The following CTIF variants were observed in gnomAD, a reference collection of about 807,000 sequenced individuals.
CTIF encodes CBP80/20-dependent translation initiation factor.
Under a neutral mutation model 66.0 loss-of-function variants are expected in CTIF, and 21 were observed. That is an observed-to-expected ratio of 0.32 (90% CI 0.23 to 0.46). CTIF has a LOEUF of 0.46. Ranked by LOEUF, CTIF falls within the 20% of genes least tolerant of loss-of-function variation. The pLI is 1.00. For synonymous variants in CTIF, 345 were observed against 326.4 expected, an observed-to-expected ratio of 1.06 and a Z score of -0.62; for missense variants, 739 against 812.7, an observed-to-expected ratio of 0.91 and a Z score of 1.10.
At chr18:48,701,548 A>C (rs1042576832) in intron 6 of CTIF, among the ~76,000 whole-genome samples, 2 of 79,486 alleles carry the variant, frequency 2.5e-5, no homozygotes, top group African/African-American at 1.7e-4. Context: ...CCCCCAGTGC[A>C]CACAGTGCAC....
At chr18:48,704,669 C>T (rs372993314) in intron 6 of CTIF, among the ~76,000 whole-genome samples, 38 of 152,332 alleles carry the variant, frequency 2.5e-4, no homozygotes, top group African/African-American at 8.7e-4. Flanking sequence ...CCAGTCCTCA[C>T]GCGGCCTTGT....
At chr18:48,741,828 C>A (rs1270901629) in intron 7 of CTIF, among the ~76,000 whole-genome samples, 1 of 152,142 alleles carries the variant, frequency 6.6e-6, no homozygotes, top group Non-Finnish European at 1.5e-5. Flanking sequence ...TCATCTTCAT[C>A]TTCCCTTGGG....
At chr18:48,732,060 A>T (rs963973656) in intron 7 of CTIF, among the ~76,000 whole-genome samples, 2 of 152,242 alleles carry the variant, frequency 1.3e-5, no homozygotes, top group Non-Finnish European at 2.9e-5. Context: ...ATCTTCCAAC[A>T]CCCCGAAGAG....
intron 7 of CTIF, among the ~76,000 whole-genome samples, chr18:48,730,660 C>CGGTGTGAGGGGCCCCTGT (rs1568172168): frequency 1.9e-4 from 23 of 119,304 alleles, no homozygotes; most frequent in African/African-American, 6.4e-4. Flanking sequence ...GGGGCTTCTG[C>CGGTGTGAGGGGCCCCTGT]GGTGTGAGGG....
chr18:48,704,184 C>T lies in CTIF; in HGVS notation c.508-7435C>T, dbSNP rs371789504. On this transcript the variant is annotated intron_variant, in intron 6 of 11. Coordinates refer to ENST00000256413, the MANE Select transcript of CTIF (RefSeq NM_014772.3). ...TGGCCTCCCATCTCTGCCCTGGTAC[C>T]GTAGGCCATGTCACATCACCATTGG... Among the ~76,000 whole-genome samples the T allele has an allele frequency of 7.2e-5, 11 of 152,214 alleles. No homozygotes were observed. In the South Asian group the frequency reaches 2.3e-3, roughly 32 times the overall value.
chr18:48,619,754 G>A lies in CTIF; in HGVS notation c.180+9G>A, dbSNP rs369061064. 1.9e-5 allele frequency: 29 copies of A among 1,553,746 alleles called. No individual in the cohort carries two copies. The highest frequency in any genetic ancestry group is 9.7e-5 in the South Asian group (8 of 82,592). Reference sequence around the variant, plus strand: ...AGTCCCACATCTCCCAGGTGAGCGCGGGCCCGGGGTTGGGGCAGCTTGGGA... The same window carrying A: ...AGTCCCACATCTCCCAGGTGAGCGCAGGCCCGGGGTTGGGGCAGCTTGGGA... On this transcript the variant is annotated intron_variant, in intron 2 of 11. Transcript: ENST00000256413.
At chr18:48,813,212 C>T (rs1043050610) in intron 9 of CTIF, among the ~76,000 whole-genome samples, 2 of 152,222 alleles carry the variant, frequency 1.3e-5, no homozygotes, top group Non-Finnish European at 2.9e-5. Flanking sequence ...TCTCACACTT[C>T]ATTTCAGCCT....
chr18:48,585,877 T>C (rs985608111), intron 1 of CTIF, among the ~76,000 whole-genome samples: 1 of 152,218 alleles, frequency 6.6e-6, no homozygotes, highest in African/African-American at 2.4e-5. Context: ...CTGTTTCATA[T>C]AGATTCTTTT....
At chr18:48,858,367 G>A (rs1321159132) in intron 11 of CTIF, among the ~76,000 whole-genome samples, 2 of 152,272 alleles carry the variant, frequency 1.3e-5, no homozygotes, top group African/African-American at 4.8e-5. Context: ...TTGGCCTCCA[G>A]CTGGGCACCC....
chr18:48,844,306 C>T (rs930632084), intron 10 of CTIF, among the ~76,000 whole-genome samples: 1 of 152,208 alleles, frequency 6.6e-6, no homozygotes, highest in African/African-American at 2.4e-5. Flanking sequence ...GCACTGTGAA[C>T]AGAACTAGCC....
intron 1 of CTIF, among the ~76,000 whole-genome samples, chr18:48,593,407 C>G (rs2089928120): frequency 6.8e-6 from 1 of 146,244 alleles, no homozygotes; most frequent in Non-Finnish European, 1.5e-5. Context: ...TTGAGACGGA[C>G]TCTCGCTCTG....
intron 6 of CTIF, among the ~76,000 whole-genome samples, chr18:48,703,670 T>C (rs545830234): frequency 2.6e-5 from 4 of 152,298 alleles, no homozygotes; most frequent in East Asian, 3.9e-4. Flanking sequence ...TAAGTGGGCA[T>C]TGGATTCTAT....
intron 10 of CTIF, among the ~76,000 whole-genome samples, chr18:48,852,359 CCAGACAGTCA>C (rs1156920599): frequency 1.3e-5 from 2 of 152,016 alleles, no homozygotes; most frequent in Non-Finnish European, 2.9e-5. Flanking sequence ...GATCCCAGTC[CCAGACAGTCA>C]CAGGACCCTC....
intron 1 of CTIF, among the ~76,000 whole-genome samples, chr18:48,550,856 A>G (rs1035114919): frequency 2.0e-5 from 3 of 152,138 alleles, no homozygotes; most frequent in African/African-American, 7.2e-5. Flanking sequence ...ATATTTCTAG[A>G]AAGGGACTTG....
intron 3 of CTIF, among the ~76,000 whole-genome samples, chr18:48,653,689 C>T (rs1325020462): frequency 6.6e-6 from 1 of 152,160 alleles, no homozygotes; most frequent in African/African-American, 2.4e-5. Context: ...GCAAAAAGAA[C>T]AAAGCTGGAG....
In CTIF at chr18:48,590,505, GAAGA is replaced by G. The variant is rs373358599; in HGVS notation, c.-28-29028_-28-29025del. ...TAGTCCAGTGCACCCTTTCTGCAGA[GAAGA>G]AAGACTGGGGTGGCCCAGGGCGGTG... is the stretch of plus-strand genomic sequence containing the variant. On this transcript the variant is annotated intron_variant, in intron 1 of 11. Coordinates refer to ENST00000256413, the MANE Select transcript of CTIF (RefSeq NM_014772.3). Among the ~76,000 whole-genome samples, 587 of 152,380 alleles carry G rather than the reference GAAGA, an allele frequency of 3.9e-3. 1 individual carries two copies. The highest frequency in any genetic ancestry group is 6.2e-3 in the Non-Finnish European group (420 of 68,028).
intron 9 of CTIF, 76 bp from the exon 10 acceptor site, chr18:48,817,145 T>C: frequency 6.9e-7 from 1 of 1,440,732 alleles, no homozygotes; most frequent in South Asian, 1.3e-5. Context: ...AGACAACAGA[T>C]GCTCTGCACA....
At chr18:48,667,973 C>T (rs1598834436) in intron 5 of CTIF, among the ~76,000 whole-genome samples, 1 of 152,252 alleles carries the variant, frequency 6.6e-6, no homozygotes, top group Non-Finnish European at 1.5e-5. Context: ...TGCCAAGGCT[C>T]CCTGCAGCCT....
rs965068899 is a variant in CTIF at position 48,768,205 on chromosome 18, T to G, written c.1371+6516T>G. Among the ~76,000 whole-genome samples the G allele has an allele frequency of 2.0e-5, 3 of 152,280 alleles. No individual in the cohort carries two copies. In the East Asian group the frequency reaches 5.8e-4, roughly 29 times the overall value. On this transcript the variant is annotated intron_variant, in intron 9 of 11. Transcript: ENST00000256413. ...TCAGAAGTTTGAAGTTCCTAACTCT[T>G]ATCTTTTACATAGGAAGGGAGGAGG...
Sources: allele counts gnomAD v4.1 joint callset (sites outside exome capture counted in the v4.1 genomes callset), GRCh38; gene constraint gnomAD v4.1.1; transcripts MANE v1.5; gene names NCBI Gene and HGNC (gene_info 2026-07-23, HGNC 2026-07-21).